The following ST3GAL2 variants were observed in gnomAD, a reference collection of about 807,000 sequenced individuals.
ST3GAL2 encodes the protein ST3 beta-galactoside alpha-2,3-sialyltransferase 2.
In ST3GAL2, 16 loss-of-function variants were observed where a neutral mutation model predicts 37.5. The ratio of observed to expected loss-of-function variants is 0.43; its 90% CI spans 0.29 to 0.65. The LOEUF (loss-of-function observed/expected upper bound fraction) is 0.65. ST3GAL2 is among the 30% of genes least tolerant of loss of function. ST3GAL2 has a pLI of 0.17. For synonymous variants in ST3GAL2, 238 were observed against 202.9 expected (o/e 1.17, Z -1.47); for missense variants, 383 against 487.8 (o/e 0.79, Z 2.02).
chr16:70,417,345 G>C (rs1338413390), intron 1 of ST3GAL2, among the ~76,000 whole-genome samples: 1 of 151,958 alleles, frequency 6.6e-6, no homozygotes, highest in Non-Finnish European at 1.5e-5. Context: ...CTCCTCCCTG[G>C]GGCCCCACTC....
At chr16:70,397,423 T>C (rs1226800606) in intron 2 of ST3GAL2, among the ~76,000 whole-genome samples, 2 of 151,888 alleles carry the variant, frequency 1.3e-5, no homozygotes, top group Non-Finnish European at 2.9e-5. Flanking sequence ...TCTGTTCTCA[T>C]GGTATTTACA....
chr16:70,393,321 G>T (rs1000201316), intron 3 of ST3GAL2, among the ~76,000 whole-genome samples: 2 of 152,058 alleles, frequency 1.3e-5, no homozygotes, highest in African/African-American at 4.8e-5. Flanking sequence ...CAGGTAATCT[G>T]CCTGCCTCAG....
At chr16:70,411,770 G>A (rs113297643) in intron 1 of ST3GAL2, among the ~76,000 whole-genome samples, 207 of 152,090 alleles carry the variant, frequency 1.4e-3, no homozygotes, top group African/African-American at 4.8e-3. Context: ...TGAGGCAGGC[G>A]GATCACCTGA....
chr16:70,387,544 G>A (rs2047451425), intron 4 of ST3GAL2, among the ~76,000 whole-genome samples: 1 of 151,632 alleles, frequency 6.6e-6, no homozygotes, highest in African/African-American at 2.4e-5. Flanking sequence ...AAGAGAGTGA[G>A]ACTCCATCTC....
rs762703919 is a variant in ST3GAL2, at chr16:70,398,310, C to T, written c.221G>A (p.Arg74His). Residue 74 changes from arginine (R) to histidine (H), a missense_variant, in exon 2 of 7, where the codon CGC (arginine) becomes CAC (histidine). By Grantham distance (29) the Arg-to-His change is conservative. Transcript: ENST00000342907. ...RLSGKSCACR[R>H]CMGDAGASDW... ...GGAGGCACCGGCATCGCCCATGCAG[C>T]GGCGACAGGCACAGCTCTTGCCCGA... is the stretch of plus-strand genomic sequence containing the variant. 77 of 1,613,286 alleles carry T rather than the reference C, an allele frequency of 4.8e-5. No homozygotes were observed. The highest frequency in any genetic ancestry group is 6.2e-5 in the Non-Finnish European group (73 of 1,180,048).
chr16:70,381,508 T>G lies in ST3GAL2; in HGVS notation c.*181A>C, dbSNP rs2047404192. On this transcript the variant is annotated 3_prime_UTR_variant, in exon 7 of 7. Coordinates refer to ENST00000342907, the MANE Select transcript of ST3GAL2 (RefSeq NM_006927.4). ...ATGATTGGCTGGGAGAAACAGAAGC[T>G]CCGCCCGACCGCAGCGCAGATTGGT... 3 of 698,988 alleles carry G rather than the reference T, an allele frequency of 4.3e-6. No homozygotes were observed. The highest frequency in any genetic ancestry group is 2.3e-6 in the Non-Finnish European group (1 of 431,358). The allele number at this position is 698,988 out of a possible 1,614,324, so 43.3% of individuals were successfully genotyped here. A position where few individuals can be genotyped will look rare whatever the true frequency, so the allele number is the denominator to read the frequency against.
intron 1 of ST3GAL2, among the ~76,000 whole-genome samples, chr16:70,410,018 T>A (rs1002130942): frequency 6.6e-6 from 1 of 151,492 alleles, no homozygotes; most frequent in African/African-American, 2.4e-5. Context: ...CCTCCCAACG[T>A]GGCCTCCCAA....
At chr16:70,388,810 C>A (rs2047460722) in intron 3 of ST3GAL2, among the ~76,000 whole-genome samples, 1 of 151,928 alleles carries the variant, frequency 6.6e-6, no homozygotes, top group South Asian at 2.1e-4. Flanking sequence ...ACATGTAATC[C>A]AGGCACTTTG....
intron 2 of ST3GAL2, among the ~76,000 whole-genome samples, chr16:70,397,748 AAAC>A (rs1161564687): frequency 6.6e-6 from 1 of 152,172 alleles, no homozygotes; most frequent in East Asian, 1.9e-4. Flanking sequence ...AACAAATAAA[AAAC>A]AATTATTTTG....
At chr16:70,416,408 G>T (rs2047676941) in intron 1 of ST3GAL2, among the ~76,000 whole-genome samples, 1 of 152,110 alleles carries the variant, frequency 6.6e-6, no homozygotes, top group African/African-American at 2.4e-5. Flanking sequence ...AAACTAAAAA[G>T]ACATGTATGT....
intron 1 of ST3GAL2, among the ~76,000 whole-genome samples, chr16:70,412,217 T>C (rs890751153): frequency 1.6e-4 from 24 of 152,232 alleles, no homozygotes; most frequent in Admixed American, 1.4e-3. Flanking sequence ...TAGCTGGCTA[T>C]GGAATTCCAG....
chr16:70,384,110 T>C (rs2047425130), intron 4 of ST3GAL2, among the ~76,000 whole-genome samples: 1 of 152,110 alleles, frequency 6.6e-6, no homozygotes, highest in Non-Finnish European at 1.5e-5. Flanking sequence ...CCCTCAGGTC[T>C]CCCAAACATG....
At chr16:70,394,374 T>G (rs775558714) in intron 3 of ST3GAL2, among the ~76,000 whole-genome samples, 13 of 152,088 alleles carry the variant, frequency 8.5e-5, no homozygotes, top group East Asian at 1.9e-4. Context: ...AGGGCCGGCT[T>G]CTGATGGGAA....
intron 4 of ST3GAL2, among the ~76,000 whole-genome samples, chr16:70,387,161 C>A (rs2047449002): frequency 6.6e-6 from 1 of 152,116 alleles, no homozygotes; most frequent in Non-Finnish European, 1.5e-5. Context: ...AAGGCCGAGG[C>A]AGGATAATCA....
At chr16:70,396,191 G>A (rs1411747491) in intron 2 of ST3GAL2, among the ~76,000 whole-genome samples, 2 of 149,244 alleles carry the variant, frequency 1.3e-5, no homozygotes, top group African/African-American at 4.9e-5. Context: ...GGCTGGTCTC[G>A]AACTCCCAAC....
At chr16:70,403,020 C>A (rs923937120) in intron 1 of ST3GAL2, among the ~76,000 whole-genome samples, 1 of 152,194 alleles carries the variant, frequency 6.6e-6, no homozygotes, top group African/African-American at 2.4e-5. Flanking sequence ...GTCTATGATG[C>A]ATTTCGTAGT....
intron 3 of ST3GAL2, among the ~76,000 whole-genome samples, chr16:70,389,373 G>A (rs370181695): frequency 1.4e-4 from 21 of 150,432 alleles, no homozygotes; most frequent in South Asian, 4.3e-4. Flanking sequence ...GTGCTATCTC[G>A]GCTCACTGCA....
At chr16:70,405,503 T>C (rs1200513165) in intron 1 of ST3GAL2, among the ~76,000 whole-genome samples, 2 of 135,874 alleles carry the variant, frequency 1.5e-5, no homozygotes, top group African/African-American at 2.9e-5. Context: ...ATTGCGCCAC[T>C]GCACTCCAGC....
chr16:70,396,207 G>A (rs1567668609), intron 2 of ST3GAL2, among the ~76,000 whole-genome samples: 2 of 149,344 alleles, frequency 1.3e-5, no homozygotes, highest in Non-Finnish European at 3.0e-5. Flanking sequence ...CCAACCTCAG[G>A]TGATCTACCG....
Sources: allele counts gnomAD v4.1 joint callset (sites outside exome capture counted in the v4.1 genomes callset), GRCh38; gene constraint gnomAD v4.1.1; transcripts MANE v1.5; gene names NCBI Gene and HGNC (gene_info 2026-07-23, HGNC 2026-07-21).